Variants in PCDH7 observed in about 807,000 individuals in gnomAD.
PCDH7 encodes protocadherin-7.
PCDH7 carries 17 observed loss-of-function variants against 58.9 expected under a neutral mutation model. The ratio of observed to expected loss-of-function variants is 0.29; its 90% confidence interval spans 0.20 to 0.43. The LOEUF is 0.43. Among genes scored for constraint, PCDH7 ranks in the 20% least tolerant of loss-of-function variants. The probability of loss-of-function intolerance (pLI) is 1.00; values close to 1 mark genes in which losing one functional copy is unlikely to be tolerated. For missense variants in PCDH7, 1,274 were observed against 1,441.0 expected, an observed-to-expected ratio of 0.88 and a Z score of 1.88; for synonymous variants, 664 against 616.4, an observed-to-expected ratio of 1.08 and a Z score of -1.14.
chr4:30,757,277 A>G (rs1205712755), intron 1 of PCDH7, among the ~76,000 whole-genome samples: 1 of 152,164 alleles, frequency 6.6e-6, no homozygotes, highest in Non-Finnish European at 1.5e-5. Context: ...ACCTTTCATG[A>G]TGCCCTAAGA....
intron 1 of PCDH7, among the ~76,000 whole-genome samples, chr4:30,742,709 A>G (rs1319727938): frequency 6.6e-6 from 1 of 152,156 alleles, no homozygotes; most frequent in South Asian, 2.1e-4. Flanking sequence ...GATCTTTGTC[A>G]TTAGTATACT....
At chr4:30,952,988 TTTCTTTA>T (rs1398442892) in intron 3 of PCDH7, among the ~76,000 whole-genome samples, 1 of 152,182 alleles carries the variant, frequency 6.6e-6, no homozygotes. Context: ...TATATCTGTT[TTTCTTTA>T]TGTAGAGTGC....
intron 1 of PCDH7, among the ~76,000 whole-genome samples, chr4:30,812,464 T>A (rs879457731): frequency 6.6e-6 from 1 of 152,198 alleles, no homozygotes; most frequent in African/African-American, 2.4e-5. Context: ...CTTAAGTATA[T>A]TGTATGAAAG....
chr4:30,804,010 C>G (rs1339025380), intron 1 of PCDH7, among the ~76,000 whole-genome samples: 1 of 152,130 alleles, frequency 6.6e-6, no homozygotes, highest in Non-Finnish European at 1.5e-5. Context: ...GGTTCTGATC[C>G]TCTTCATCAG....
chr4:30,961,429 G>A (rs1260542648), intron 3 of PCDH7, among the ~76,000 whole-genome samples: 1 of 151,778 alleles, frequency 6.6e-6, no homozygotes, highest in Non-Finnish European at 1.5e-5. Context: ...GCGGGTGCCT[G>A]TAGTCCCACC....
intron 1 of PCDH7, among the ~76,000 whole-genome samples, chr4:30,876,819 T>C (rs1252212535): frequency 6.6e-6 from 1 of 151,994 alleles, no homozygotes; most frequent in Non-Finnish European, 1.5e-5. Flanking sequence ...ACATGTGCCA[T>C]GGTGGTTTGC....
At chr4:31,079,209 T>C (rs1356852825) in intron 3 of PCDH7, among the ~76,000 whole-genome samples, 1 of 149,366 alleles carries the variant, frequency 6.7e-6, no homozygotes, top group Non-Finnish European at 1.5e-5. Context: ...TTATTAAATT[T>C]GACCTCGTTA....
intron 3 of PCDH7, among the ~76,000 whole-genome samples, chr4:31,044,182 G>A (rs1421020151): frequency 6.6e-6 from 1 of 151,250 alleles, no homozygotes; most frequent in African/African-American, 2.4e-5. Flanking sequence ...TATAACAGAT[G>A]CCACATTTTA....
chr4:30,758,406 G>T (rs1719589924), intron 1 of PCDH7, among the ~76,000 whole-genome samples: 1 of 152,160 alleles, frequency 6.6e-6, no homozygotes, highest in South Asian at 2.1e-4. Context: ...GATGCCATTG[G>T]AAGACTGGCA....
intron 3 of PCDH7, among the ~76,000 whole-genome samples, chr4:30,985,205 C>A (rs1030052685): frequency 6.6e-6 from 1 of 152,172 alleles, no homozygotes; most frequent in Non-Finnish European, 1.5e-5. Context: ...GATCTGCCCA[C>A]CTTGGTCTCC....
At chr4:30,832,135 A>T (rs1032000136) in intron 1 of PCDH7, among the ~76,000 whole-genome samples, 14 of 152,148 alleles carry the variant, frequency 9.2e-5, no homozygotes, top group Non-Finnish European at 2.1e-4. Flanking sequence ...TCACAGGTTG[A>T]GGGAGACTTG....
chr4:30,935,535 A>C (rs1018522140), intron 2 of PCDH7, among the ~76,000 whole-genome samples: 1 of 152,190 alleles, frequency 6.6e-6, no homozygotes, highest in African/African-American at 2.4e-5. Flanking sequence ...TCTGTCTTTA[A>C]GAAACCTGCA....
At chr4:31,136,704 G>A (rs1023606906) in intron 3 of PCDH7, among the ~76,000 whole-genome samples, 1 of 152,230 alleles carries the variant, frequency 6.6e-6, no homozygotes, top group Non-Finnish European at 1.5e-5. Context: ...AGTGATTCCC[G>A]CCCTGACCGT....
intron 1 of PCDH7, among the ~76,000 whole-genome samples, chr4:30,811,361 T>C (rs1429479502): frequency 6.6e-6 from 1 of 152,204 alleles, no homozygotes; most frequent in Non-Finnish European, 1.5e-5. Flanking sequence ...GAACTCACAG[T>C]AAGTTTAGGG....
downstream of PCDH7, chr4:31,144,141 G>T (rs1046922736): frequency 6.6e-6 from 1 of 152,092 alleles, no homozygotes. Flanking sequence ...ACACTTTGAT[G>T]CACCACAAGT....
At chr4:30,725,507 A>C (rs1302895338) in intron 1 of PCDH7, among the ~76,000 whole-genome samples, 1 of 152,202 alleles carries the variant, frequency 6.6e-6, no homozygotes, top group Non-Finnish European at 1.5e-5. Context: ...GGCGGAACTT[A>C]AGCAAATCTG....
chr4:30,998,130 G>A (rs1167892948), intron 3 of PCDH7, among the ~76,000 whole-genome samples: 1 of 152,104 alleles, frequency 6.6e-6, no homozygotes, highest in East Asian at 1.9e-4. Flanking sequence ...TATTACAAGA[G>A]TTCTATTGCC....
chr4:31,144,772 G>A (rs1481563098), downstream of PCDH7: 1 of 152,076 alleles, frequency 6.6e-6, no homozygotes, highest in African/African-American at 2.4e-5. Flanking sequence ...GTTAGTTTAT[G>A]TATAATAGGT....
At position 30,932,183 on chromosome 4, in the gene PCDH7, T is replaced by A. The variant is rs181628725; in HGVS notation, c.287+11814T>A. Among the ~76,000 whole-genome samples the A allele has an allele frequency of 2.2e-3, 341 of 152,270 alleles. 1 individual carries two copies. Among genetic ancestry groups the A allele is most frequent in the African/African-American group, 8.0e-3 (331 of 41,566 alleles). On this transcript the variant is annotated intron_variant, in intron 2 of 3. Coordinates refer to the PCDH7 transcript ENST00000509759. ...TGCTTCAAAACATAAATCACGGAAA[T>A]AGAATCTGAATGAGAAATAAATTCA...
Sources: gnomAD v4.1 joint callset for allele counts (sites outside exome capture counted in the v4.1 genomes callset) on GRCh38, gnomAD v4.1.1 for gene constraint, MANE v1.5 for transcripts, NCBI Gene and HGNC (gene_info 2026-07-23, HGNC 2026-07-21) for gene names.